The following COL11A1 variants were observed in gnomAD, a reference collection of about 807,000 sequenced individuals.
COL11A1 encodes collagen alpha-1(XI) chain.
In COL11A1, 74 loss-of-function variants were observed where a neutral mutation model predicts 265.2. The observed-to-expected ratio is 0.28, with a 90% CI of 0.23 to 0.34. The LOEUF is 0.34. COL11A1 is among the 10% of genes least tolerant of loss of function. The pLI, the probability that COL11A1 is intolerant of heterozygous loss-of-function variation, is 1.00. For missense variants in COL11A1, 2,165 were observed against 2,263.6 expected (o/e 0.96, Z 0.88); for synonymous variants, 816 against 727.6 (o/e 1.12, Z -1.96).
chr1:102,952,058 T>C (rs1028820598), intron 41 of COL11A1, among the ~76,000 whole-genome samples: 2 of 152,146 alleles, frequency 1.3e-5, no homozygotes, highest in African/African-American at 4.8e-5. Context: ...AGAGACAGAA[T>C]GCTGATTTGA....
chr1:102,954,624 C>T (rs1660189394), intron 41 of COL11A1, among the ~76,000 whole-genome samples: 1 of 152,136 alleles, frequency 6.6e-6, no homozygotes, highest in African/African-American at 2.4e-5. Flanking sequence ...GCGGGTGGAT[C>T]ACCTGAGGTC....
In COL11A1 at chr1:103,022,746, G is replaced by A. The variant is rs746973105; in HGVS notation, c.1241C>T (p.Thr414Ile). The change falls in exon 8 of 67, where the codon ACA becomes ATA. Residue 414 changes from threonine to isoleucine, a missense_variant. By Grantham distance (89) the Thr-to-Ile change is moderately conservative. Coordinates refer to ENST00000370096, the MANE Select transcript of COL11A1 (RefSeq NM_001854.4). ...GVPAETDITETSINGHGAYGE... is the reference protein window; with the variant it reads ...GVPAETDITEISINGHGAYGE... The stretch of plus-strand genomic sequence containing the variant: ...CAGTGCATAGTATCAACTTACGCTT[G>A]TTTCTGTAATATCAGTTTCTGCTGG... The A allele has an allele frequency of 6.2e-7, 1 of 1,613,418 alleles. No homozygotes were observed. Among genetic ancestry groups the A allele is most frequent in the Non-Finnish European group, 8.5e-7 (1 of 1,179,924 alleles).
intron 25 of COL11A1, 52 bp downstream of exon 25, chr1:102,998,258 A>AT: frequency 7.1e-7 from 1 of 1,410,544 alleles, no homozygotes; most frequent in Non-Finnish European, 1.0e-6. Context: ...TGTAAAATCT[A>AT]TTTTTAAAGA....
chr1:103,084,247 C>G (rs1672676259), intron 1 of COL11A1, among the ~76,000 whole-genome samples: 1 of 152,082 alleles, frequency 6.6e-6, no homozygotes, highest in South Asian at 2.1e-4. Context: ...CTCTTCACTC[C>G]TTCAACCTCC....
intron 13 of COL11A1, among the ~76,000 whole-genome samples, chr1:103,013,484 T>C (rs1223862178): frequency 1.3e-5 from 2 of 151,890 alleles, no homozygotes; most frequent in African/African-American, 2.4e-5. Flanking sequence ...GTTATAGAAA[T>C]CTTTAGTAAA....
chr1:103,073,980 G>A (rs1181258268), intron 4 of COL11A1, among the ~76,000 whole-genome samples: 1 of 151,992 alleles, frequency 6.6e-6, no homozygotes, highest in Non-Finnish European at 1.5e-5. Context: ...TCTCGAGAGT[G>A]CATCCTTTAA....
intron 54 of COL11A1, among the ~76,000 whole-genome samples, chr1:102,911,548 G>A (rs192923978): frequency 1.1e-4 from 17 of 152,236 alleles, no homozygotes; most frequent in African/African-American, 4.1e-4. Flanking sequence ...TAAGAGGCAG[G>A]TCTGCAGAGA....
Position 103,046,906 on chromosome 1 carries a change from A to G in COL11A1, c.652-15662T>C, listed in dbSNP as rs528423477. 5.4e-3 allele frequency among the ~76,000 whole-genome samples: 815 copies of G among 152,274 alleles called. 1 individual carries two copies. Among genetic ancestry groups the G allele is most frequent in the Middle Eastern group, 0.017 (5 of 294 alleles). On this transcript the variant is annotated intron_variant, in intron 4 of 66. Coordinates refer to ENST00000370096, the MANE Select transcript of COL11A1 (RefSeq NM_001854.4). ...GTTTTTGTCAGGTTTGTCAAAGATC[A>G]GATAGCTGTAGATATGCGGCATTAT...
At chr1:102,945,182 AAATT>A (rs1659122797) in intron 42 of COL11A1, among the ~76,000 whole-genome samples, 1 of 152,116 alleles carries the variant, frequency 6.6e-6, no homozygotes, top group African/African-American at 2.4e-5. Context: ...GGGCAAAATG[AAATT>A]AATTAATGCC....
intron 4 of COL11A1, among the ~76,000 whole-genome samples, chr1:103,046,832 A>C (rs1188313394): frequency 6.6e-6 from 1 of 151,698 alleles, no homozygotes; most frequent in Admixed American, 6.6e-5. Context: ...ATGGCTAGCC[A>C]GTTTTCCCAG....
chr1:102,996,936 TA>T, intron 26 of COL11A1, 143 bp downstream of exon 26: 1 of 715,802 alleles, frequency 1.4e-6, no homozygotes, highest in Non-Finnish European at 2.5e-6. Flanking sequence ...ATTACTGATA[TA>T]AAATTAAAAG....
At chr1:102,961,698 C>A (rs1340691344) in intron 41 of COL11A1, 168 bp downstream of exon 41, 2 of 637,122 alleles carry the variant, frequency 3.1e-6, no homozygotes, top group African/African-American at 3.6e-5. Flanking sequence ...CCTTCTGTTT[C>A]TGCATTCATT....
intron 4 of COL11A1, among the ~76,000 whole-genome samples, chr1:103,072,580 G>C (rs1671677577): frequency 6.6e-6 from 1 of 151,262 alleles, no homozygotes; most frequent in African/African-American, 2.4e-5. Context: ...AAAAATAAAA[G>C]GAAAAACATA....
intron 49 of COL11A1, among the ~76,000 whole-genome samples, chr1:102,918,696 T>C (rs1655637252): frequency 6.6e-6 from 1 of 152,026 alleles, no homozygotes. Context: ...TGTTTTTTAG[T>C]GTAACTCATT....
At chr1:103,009,346 A>C (rs1665914978) in intron 14 of COL11A1, among the ~76,000 whole-genome samples, 1 of 152,164 alleles carries the variant, frequency 6.6e-6, no homozygotes, top group Admixed American at 6.5e-5. Context: ...ACGGACAGGC[A>C]GAGCTTGCAG....
At chr1:103,003,595 A>G (rs1665332786) in intron 20 of COL11A1, among the ~76,000 whole-genome samples, 1 of 152,178 alleles carries the variant, frequency 6.6e-6, no homozygotes. Flanking sequence ...TTTCAGTGAC[A>G]GCATCGAACA....
rs1343199316 is a variant in COL11A1, at chr1:103,022,796, A to AG, written c.1190dup (p.Asn398Ter). On this transcript the variant is annotated frameshift_variant, in exon 8 of 67. Coordinates refer to ENST00000370096, the MANE Select transcript of COL11A1 (RefSeq NM_001854.4). LOFTEE classifies it high-confidence loss of function. The stretch of plus-strand genomic sequence containing the variant: ...GTACACCTGGACCAAATTCTTCATT[A>AG]GGGGGGCTTGTTGGTTTATCTTCAT... 5 of 1,613,734 alleles carry AG rather than the reference A, an allele frequency of 3.1e-6. No individual in the cohort carries two copies. Among genetic ancestry groups the AG allele is most frequent in the Non-Finnish European group, 4.2e-6 (5 of 1,179,934 alleles).
intron 28 of COL11A1, among the ~76,000 whole-genome samples, chr1:102,989,850 C>T (rs1408461874): frequency 6.6e-6 from 1 of 152,032 alleles, no homozygotes; most frequent in Non-Finnish European, 1.5e-5. Flanking sequence ...AATAACCATT[C>T]TCCCATAACA....
intron 24 of COL11A1, 99 bp downstream of exon 24, chr1:103,001,826 A>AGATAGCTCAGCACATAAGGAATTAATCTG: frequency 9.9e-7 from 1 of 1,005,748 alleles, no homozygotes; most frequent in Non-Finnish European, 1.6e-6. Context: ...TGAGCTATCT[A>AGATAGCTCAGCACATAAGGAATTAATCTG]GATATCTTAA....
Sources: gnomAD v4.1 joint callset for allele counts (sites outside exome capture counted in the v4.1 genomes callset) on GRCh38, gnomAD v4.1.1 for gene constraint, MANE v1.5 for transcripts, NCBI Gene and HGNC (gene_info 2026-07-23, HGNC 2026-07-21) for gene names.